Variants in MERTK observed in about 807,000 individuals in gnomAD.
MERTK encodes MER proto-oncogene, tyrosine kinase, also known as tyrosine-protein kinase Mer.
In MERTK, 69 loss-of-function variants were observed where a neutral mutation model predicts 99.3. The ratio of observed to expected loss-of-function variants is 0.70; its 90% CI spans 0.57 to 0.85. The LOEUF is 0.85. Ranked by LOEUF, MERTK falls within the 40% of genes least tolerant of loss-of-function variation. The probability of loss-of-function intolerance (pLI) is 0.00; values close to 1 mark genes in which losing one functional copy is unlikely to be tolerated. For missense variants in MERTK, 1,125 were observed against 1,249.4 expected (o/e 0.90, Z 1.50); for synonymous variants, 426 against 467.6 (o/e 0.91, Z 1.15).
chr2:111,977,213 T>C (rs1055115215), intron 7 of MERTK, among the ~76,000 whole-genome samples: 1 of 151,772 alleles, frequency 6.6e-6, no homozygotes, highest in Non-Finnish European at 1.5e-5. Context: ...TCTGCTGGTA[T>C]GGTATTCAGC....
At chr2:111,964,398 T>TGCGC (rs1553452048) in intron 4 of MERTK, among the ~76,000 whole-genome samples, 2 of 81,070 alleles carry the variant, frequency 2.5e-5, no homozygotes, top group African/African-American at 9.1e-5. Context: ...TGTGTGTGTG[T>TGCGC]GCGCGCGCGC....
intron 4 of MERTK, among the ~76,000 whole-genome samples, chr2:111,955,082 G>A (rs948188158): frequency 7.4e-6 from 1 of 135,434 alleles, no homozygotes; most frequent in Non-Finnish European, 1.6e-5. Flanking sequence ...CCCAGGGGAC[G>A]CCATTCTATC....
At chr2:111,941,100 C>A in intron 2 of MERTK, 1 of 391,600 alleles carries the variant, frequency 2.6e-6, no homozygotes, top group Admixed American at 3.9e-5. Context: ...TTATCCGTCA[C>A]TAACTTCCTG....
intron 6 of MERTK, among the ~76,000 whole-genome samples, chr2:111,972,607 G>A (rs1676146910): frequency 6.6e-6 from 1 of 152,144 alleles, no homozygotes; most frequent in South Asian, 2.1e-4. Flanking sequence ...GGATTCTGTG[G>A]TGCTGGATAT....
At chr2:111,941,504 C>T (rs1465947983) in intron 2 of MERTK, among the ~76,000 whole-genome samples, 1 of 152,182 alleles carries the variant, frequency 6.6e-6, no homozygotes, top group East Asian at 1.9e-4. Flanking sequence ...TCTGGAGCTC[C>T]TCTTACATGG....
intron 15 of MERTK, 152 bp downstream of exon 15, chr2:112,010,218 G>C: frequency 1.4e-6 from 1 of 710,914 alleles, no homozygotes; most frequent in Non-Finnish European, 2.6e-6. Flanking sequence ...GTTGAAATGT[G>C]GGGTCTATCC....
intron 7 of MERTK, among the ~76,000 whole-genome samples, chr2:111,978,607 C>G (rs967207517): frequency 6.6e-6 from 1 of 152,136 alleles, no homozygotes; most frequent in Non-Finnish European, 1.5e-5. Flanking sequence ...CATGAGCCAC[C>G]GTGCCCAGCC....
rs1357818030 is a variant in MERTK at position 112,003,073 on chromosome 2, T to C, written c.1691-19T>C. 8.5e-7 allele frequency: 1 copy of C among 1,175,388 alleles called. No homozygotes were observed. The highest frequency in any genetic ancestry group is 1.3e-6 in the Non-Finnish European group (1 of 779,744). The allele number at this position is 1,175,388 out of a possible 1,614,324, so 72.8% of individuals were successfully genotyped here. On this transcript the variant is annotated intron_variant, in intron 11 of 18. Coordinates refer to ENST00000295408, the MANE Select transcript of MERTK (RefSeq NM_006343.3). ...ACACGCTGACAATTTTTGTACATAC[T>C]ATGTTACTCCTTTTTCAGTACATAG...
intron 16 of MERTK, 36 bp from the exon 17 acceptor site, chr2:112,021,386 T>A (rs752517499): frequency 2.5e-6 from 4 of 1,611,450 alleles, no homozygotes; most frequent in Non-Finnish European, 3.4e-6. Context: ...AGGCATTGCC[T>A]CTGACGCTGC....
intron 16 of MERTK, 71 bp downstream of exon 16, chr2:112,019,593 G>A: frequency 8.6e-7 from 1 of 1,158,376 alleles, no homozygotes; most frequent in South Asian, 1.2e-5. Flanking sequence ...TTAGTGAGAG[G>A]ACCTGTTCCT....
chr2:111,901,648 C>T (rs996045037), intron 1 of MERTK, among the ~76,000 whole-genome samples: 6 of 150,938 alleles, frequency 4.0e-5, no homozygotes, highest in South Asian at 2.1e-4. Context: ...CTCAACCTTC[C>T]GGGCTCAAGT....
intron 18 of MERTK, among the ~76,000 whole-genome samples, chr2:112,023,184 G>A (rs1035987703): frequency 5.3e-5 from 8 of 152,078 alleles, no homozygotes; most frequent in African/African-American, 1.2e-4. Context: ...GGAGGCCGAC[G>A]CGGGTGGATC....
At chr2:111,919,469 G>A (rs926685277) in intron 1 of MERTK, among the ~76,000 whole-genome samples, 1 of 152,138 alleles carries the variant, frequency 6.6e-6, no homozygotes, top group South Asian at 2.1e-4. Context: ...CTGATGTTCC[G>A]CTGGGTTTGA....
At chr2:111,912,317 C>T (rs1684266094) in intron 1 of MERTK, among the ~76,000 whole-genome samples, 1 of 152,110 alleles carries the variant, frequency 6.6e-6, no homozygotes, top group South Asian at 2.1e-4. Flanking sequence ...CCAGTTGCCT[C>T]TTAATGGGCA....
chr2:111,903,550 G>A (rs1279719359), intron 1 of MERTK, among the ~76,000 whole-genome samples: 1 of 152,240 alleles, frequency 6.6e-6, no homozygotes, highest in African/African-American at 2.4e-5. Context: ...GTAGCCCTGG[G>A]TGCCTTGACT....
intron 1 of MERTK, among the ~76,000 whole-genome samples, chr2:111,918,808 G>A (rs748981666): frequency 1.3e-5 from 2 of 152,050 alleles, no homozygotes; most frequent in African/African-American, 2.4e-5. Flanking sequence ...ATTGTTTCAC[G>A]TGCAATATTC....
intron 4 of MERTK, among the ~76,000 whole-genome samples, chr2:111,950,542 C>G (rs925606906): frequency 2.0e-5 from 3 of 152,150 alleles, no homozygotes; most frequent in Non-Finnish European, 4.4e-5. Context: ...AGTTGCTCAT[C>G]GATATGTTTA....
At chr2:111,944,258 C>A (rs879569174) in intron 2 of MERTK, among the ~76,000 whole-genome samples, 25 of 146,462 alleles carry the variant, frequency 1.7e-4, no homozygotes, top group Admixed American at 3.5e-4. Flanking sequence ...TGAGATCATG[C>A]CATTGTACTC....
chr2:111,961,641 G>A (rs1558787397), intron 4 of MERTK, among the ~76,000 whole-genome samples: 1 of 152,154 alleles, frequency 6.6e-6, no homozygotes, highest in Admixed American at 6.5e-5. Flanking sequence ...AGAGATGTAT[G>A]GGTTTGCTTT....
Sources: gnomAD v4.1 joint callset for allele counts (sites outside exome capture counted in the v4.1 genomes callset) on GRCh38, gnomAD v4.1.1 for gene constraint, MANE v1.5 for transcripts, NCBI Gene and HGNC (gene_info 2026-07-23, HGNC 2026-07-21) for gene names.